Variants in INSL6 observed in about 807,000 individuals in gnomAD.
INSL6 encodes the protein insulin like 6.
Under a neutral mutation model 9.4 loss-of-function variants are expected in INSL6, and 16 were observed. The observed-to-expected ratio is 1.70, with a 90% CI of 1.15 to 2.59. The LOEUF (loss-of-function observed/expected upper bound fraction) is 2.59, where lower values mean the gene tolerates loss of function less well. INSL6 is among the 30% of genes most tolerant of loss of function. The pLI is 0.00. For synonymous variants in INSL6, 154 were observed against 96.9 expected (o/e 1.59, Z -3.46); for missense variants, 391 against 257.3 (o/e 1.52, Z -3.56).
the INSL6 span, chr9:5,054,976 G>C: frequency 1.1e-6 from 1 of 887,266 alleles, no homozygotes; most frequent in Non-Finnish European, 1.7e-6. The surrounding 1 kb of genome is among the most constrained non-coding windows in gnomAD (Gnocchi z 4.9). Flanking sequence ...ACATGGTATT[G>C]CACTTCTCCC....
At chr9:5,144,675 T>G (rs1824567895) in intron 2 of INSL6, among the ~76,000 whole-genome samples, 2 of 152,214 alleles carry the variant, frequency 1.3e-5, no homozygotes, top group Admixed American at 1.3e-4. Flanking sequence ...GGTGCAAACA[T>G]ATTTAGGATA....
the INSL6 span, chr9:5,112,729 A>C: frequency 1.3e-6 from 1 of 756,104 alleles, no homozygotes. Flanking sequence ...TGAATCCCAA[A>C]ACAGCCTGTT....
At chr9:5,184,401 T>C (rs1277494512) in intron 1 of INSL6, among the ~76,000 whole-genome samples, 1 of 152,208 alleles carries the variant, frequency 6.6e-6, no homozygotes, top group African/African-American at 2.4e-5. Flanking sequence ...GACTAAAATG[T>C]CTTAGTCACA....
At chr9:5,024,065 G>T in the INSL6 span, among the ~76,000 whole-genome samples, 5 of 152,134 alleles carry the variant, frequency 3.3e-5, no homozygotes, top group South Asian at 1.0e-3. Flanking sequence ...GATCATCCTG[G>T]CTAATATGGT....
chr9:5,168,592 G>C, intron 1 of INSL6, among the ~76,000 whole-genome samples: 1 of 151,804 alleles, frequency 6.6e-6, no homozygotes, highest in East Asian at 1.9e-4. Flanking sequence ...TTACAAGACT[G>C]AACCTATGAC....
intron 1 of INSL6, among the ~76,000 whole-genome samples, chr9:5,183,286 T>C (rs1472316857): frequency 1.3e-5 from 2 of 152,212 alleles, no homozygotes; most frequent in African/African-American, 4.8e-5. Flanking sequence ...CCTCTACATA[T>C]TTCAATACAA....
At chr9:5,013,880 A>G in the INSL6 span, among the ~76,000 whole-genome samples, 1 of 152,176 alleles carries the variant, frequency 6.6e-6, no homozygotes, top group South Asian at 2.1e-4. Flanking sequence ...ATTTTATTAT[A>G]CAAGTGAGGA....
At chr9:5,008,360 G>A in the INSL6 span, among the ~76,000 whole-genome samples, 8 of 152,292 alleles carry the variant, frequency 5.3e-5, no homozygotes, top group East Asian at 1.5e-3. Context: ...GCATTCTTCA[G>A]TTGTTAGGTG....
chr9:5,174,970 C>A (rs139772996), intron 1 of INSL6, among the ~76,000 whole-genome samples: 1 of 150,568 alleles, frequency 6.6e-6, no homozygotes, highest in Admixed American at 6.6e-5. Context: ...GACAGAGTCT[C>A]GCTCTGGCGC....
chr9:5,055,636 C>T, the INSL6 span: 3 of 1,487,888 alleles, frequency 2.0e-6, no homozygotes, highest in Admixed American at 5.6e-5. Flanking sequence ...GTAAATTCTA[C>T]CCGTTTTTAA....
At chr9:5,119,479 C>CTAT (rs1216053499), downstream of INSL6, among the ~76,000 whole-genome samples, 6 of 151,566 alleles carry the variant, frequency 4.0e-5, no homozygotes, top group Non-Finnish European at 8.8e-5. Context: ...GTATCTCTGC[C>CTAT]TATACATGTG....
At chr9:5,002,316 T>G in the INSL6 span, among the ~76,000 whole-genome samples, 7 of 152,066 alleles carry the variant, frequency 4.6e-5, no homozygotes, top group East Asian at 1.3e-3. Context: ...TTTAGCTGTA[T>G]TCCCCCAAAT....
the INSL6 span, chr9:5,044,470 G>T: frequency 6.2e-7 from 1 of 1,612,986 alleles, no homozygotes; most frequent in East Asian, 2.2e-5. Context: ...ATCTCGAGGT[G>T]CTGAAGCTCC....
chr9:5,171,241 A>G (rs996435375), intron 1 of INSL6, among the ~76,000 whole-genome samples: 3 of 152,228 alleles, frequency 2.0e-5, no homozygotes, highest in Admixed American at 6.5e-5. Context: ...AAAAACCACA[A>G]GATTATTTCA....
the INSL6 span, among the ~76,000 whole-genome samples, chr9:5,035,354 T>A: frequency 1.3e-4 from 20 of 152,214 alleles, no homozygotes; most frequent in Admixed American, 5.9e-4. Context: ...ATCAATAGAA[T>A]AAGAGGGAAT....
At chr9:5,115,410 A>G in the INSL6 span, among the ~76,000 whole-genome samples, 1 of 152,370 alleles carries the variant, frequency 6.6e-6, no homozygotes, top group South Asian at 2.1e-4. Context: ...GTCAGGCAAC[A>G]ACAGATGCTG....
intron 2 of INSL6, among the ~76,000 whole-genome samples, chr9:5,138,032 A>G (rs2130884647): frequency 6.6e-6 from 1 of 152,370 alleles, no homozygotes; most frequent in Non-Finnish European, 1.5e-5. Flanking sequence ...CCACAATGAG[A>G]TATCATCTCA....
At chr9:5,018,997 G>T in the INSL6 span, among the ~76,000 whole-genome samples, 1 of 152,004 alleles carries the variant, frequency 6.6e-6, no homozygotes, top group Admixed American at 6.5e-5. Context: ...CTTTGTCTTT[G>T]ACAAACTGTT....
chr9:5,137,173 A>G (rs1011150662), intron 2 of INSL6, among the ~76,000 whole-genome samples: 1 of 152,204 alleles, frequency 6.6e-6, no homozygotes, highest in Non-Finnish European at 1.5e-5. Flanking sequence ...AATCAATATC[A>G]TCAAAATGGC....
Sources: gnomAD v4.1 joint callset for allele counts (sites outside exome capture counted in the v4.1 genomes callset) on GRCh38, gnomAD v4.1.1 for gene constraint, Gnocchi (gnomAD v3.1) non-coding constraint, MANE v1.5 for transcripts, NCBI Gene and HGNC (gene_info 2026-07-23, HGNC 2026-07-21) for gene names.